MAP3K10: variants seen among roughly 807,000 people sequenced by gnomAD.
The protein encoded by MAP3K10 is mitogen-activated protein kinase kinase kinase 10.
In MAP3K10, 22 loss-of-function variants were observed where a neutral mutation model predicts 75.0. That is an observed-to-expected ratio of 0.29 (90% CI 0.21 to 0.42). The LOEUF (loss-of-function observed/expected upper bound fraction) is 0.42, where lower values mean the gene tolerates loss of function less well. Among genes scored for constraint, MAP3K10 ranks in the 10% least tolerant of loss-of-function variants. The pLI is 1.00. For missense variants in MAP3K10, 1,165 were observed against 1,379.8 expected (o/e 0.84, Z 2.47); for synonymous variants, 599 against 612.9 (o/e 0.98, Z 0.34).
Position 40,213,595 on chromosome 19 carries a change from C to G in MAP3K10, c.1916C>G (p.Pro639Arg). The G allele has an allele frequency of 6.3e-7, 1 of 1,599,064 alleles. No individual in the cohort carries two copies. Among genetic ancestry groups the G allele is most frequent in the Non-Finnish European group, 8.5e-7 (1 of 1,173,882 alleles). ...PYSTPSYLSV[P>R]LPAEPSPGAR... The stretch of plus-strand genomic sequence containing the variant: ...TCGACCCCGTCCTACCTCTCAGTGC[C>G]ACTGCCTGCCGAGCCCTCCCCGGGG... Residue 639 changes from proline to arginine, a missense_variant, in exon 9 of 10, where the codon CCA becomes CGA. Physicochemically the swap from Pro to Arg is moderately radical, Grantham distance 103 (BLOSUM62 -2). Around this residue, in one of 2 missense-constraint regions of MAP3K10, gnomAD observed 590 missense variants for 586.6 expected, o/e 1.01. Coordinates refer to ENST00000253055, the MANE Select transcript of MAP3K10 (RefSeq NM_002446.4). The surrounding 1 kb of genome is among the most constrained non-coding windows in gnomAD (Gnocchi z 5.7).
At chr19:40,200,076 C>G (rs1004912994) in intron 2 of MAP3K10, among the ~76,000 whole-genome samples, 1 of 152,136 alleles carries the variant, frequency 6.6e-6, no homozygotes, top group Non-Finnish European at 1.5e-5. Flanking sequence ...GGGTGGTTCA[C>G]TTGAGGCCAG....
rs941997237 is a variant in MAP3K10, at chr19:40,198,773, G to A, written c.863+218G>A. 8.5e-5 allele frequency among the ~76,000 whole-genome samples: 13 copies of A among 152,234 alleles called. No individual in the cohort carries two copies. Among genetic ancestry groups the A allele is most frequent in the Non-Finnish European group, 1.9e-4 (13 of 68,044 alleles). On this transcript the variant is annotated intron_variant, in intron 2 of 9. Transcript: ENST00000253055. This position sits in a 1 kb window ranked among gnomAD's most constrained non-coding sequence, Gnocchi z 4.3. Reference sequence around the variant, plus strand: ...CTGGATTAGAATAAAAAGCTCATAGGATCTAGAGACAAGGCCGGGCGCGGG... The same window carrying A: ...CTGGATTAGAATAAAAAGCTCATAGAATCTAGAGACAAGGCCGGGCGCGGG...
chr19:40,207,522 G>T (rs1341555668), intron 5 of MAP3K10, among the ~76,000 whole-genome samples: 1 of 152,134 alleles, frequency 6.6e-6, no homozygotes, highest in African/African-American at 2.4e-5. Context: ...GATCACCTGA[G>T]GTCAGGAGTT....
chr19:40,196,078 C>T (rs1410946170), intron 1 of MAP3K10, among the ~76,000 whole-genome samples: 1 of 151,950 alleles, frequency 6.6e-6, no homozygotes, highest in Non-Finnish European at 1.5e-5. Flanking sequence ...AAGGTAAATT[C>T]TGTTACGAGC....
Position 40,214,010 on chromosome 19 carries a change from A to ACCCCCCCCCCCCCCCCCCCCCCC in MAP3K10, c.2334_2335insCCCCCCCCCCCCCCCCCCCCCCC (p.Ser779ProfsTer51). The ACCCCCCCCCCCCCCCCCCCCCCC allele has an allele frequency of 1.4e-6, 1 of 726,374 alleles. No individual in the cohort carries two copies. Among genetic ancestry groups the ACCCCCCCCCCCCCCCCCCCCCCC allele is most frequent in the Non-Finnish European group, 1.9e-6 (1 of 538,530 alleles). The allele number at this position is 726,374 out of a possible 1,614,324, so 45.0% of individuals were successfully genotyped here. ...CCGCACCGGCCGCGCCCTCCCCACCACCCTCCCCGCCCGCGCCCACACCCA... is the reference window on the plus strand; with the variant it reads ...CCGCACCGGCCGCGCCCTCCCCACCACCCCCCCCCCCCCCCCCCCCCCCCCCTCCCCGCCCGCGCCCACACCCA... On this transcript the variant is annotated frameshift_variant, in exon 9 of 10. Coordinates refer to ENST00000253055, the MANE Select transcript of MAP3K10 (RefSeq NM_002446.4). LOFTEE classifies it high-confidence loss of function.
intron 2 of MAP3K10, among the ~76,000 whole-genome samples, chr19:40,199,492 T>C (rs1972977516): frequency 6.6e-6 from 1 of 152,062 alleles, no homozygotes; most frequent in Admixed American, 6.6e-5. Flanking sequence ...AAGGAACCAG[T>C]CACGAAAAGT....
chr19:40,192,068 G>C lies in MAP3K10; in HGVS notation c.37G>C (p.Gly13Arg). The change falls in exon 1 of 10, where the codon GGC becomes CGC. Residue 13 changes from glycine to arginine, a missense_variant. Around this residue, in one of 2 missense-constraint regions of MAP3K10, gnomAD observed 575 missense variants for 793.2 expected, o/e 0.72. Coordinates refer to ENST00000253055, the MANE Select transcript of MAP3K10 (RefSeq NM_002446.4). The surrounding 1 kb of genome is among the most constrained non-coding windows in gnomAD (Gnocchi z 7.1). The part of the protein sequence containing the change: ...EEEGAVAKEW[G>R]TTPAGPVWTA... ...GGAGGGGGCGGTGGCCAAGGAGTGG[G>C]GCACGACCCCCGCGGGGCCCGTCTG... 4 of 1,487,098 alleles carry C rather than the reference G, an allele frequency of 2.7e-6. No individual in the cohort carries two copies. The South Asian group carries it at 5.4e-5, about 20-fold the overall frequency. 92.1% of individuals were successfully genotyped at this position (1,487,098 alleles called of 1,614,324 possible). A position where few individuals can be genotyped will look rare whatever the true frequency, so the allele number is the denominator to read the frequency against.
Position 40,214,010 on chromosome 19 carries a change from A to ACCCCCCCCCCCCC in MAP3K10, c.2334_2335insCCCCCCCCCCCCC (p.Ser779ProfsTer77). ...CCGCACCGGCCGCGCCCTCCCCACC[A>ACCCCCCCCCCCCC]CCCTCCCCGCCCGCGCCCACACCCA... On this transcript the variant is annotated frameshift_variant, in exon 9 of 10. Transcript: ENST00000253055. LOFTEE classifies it high-confidence loss of function. The ACCCCCCCCCCCCC allele has an allele frequency of 2.8e-6, 2 of 726,372 alleles. No individual in the cohort carries two copies. Among genetic ancestry groups the ACCCCCCCCCCCCC allele is most frequent in the Non-Finnish European group, 3.7e-6 (2 of 538,530 alleles). 45.0% of individuals were successfully genotyped at this position (726,372 alleles called of 1,614,324 possible). A position where few individuals can be genotyped will look rare whatever the true frequency, so the allele number is the denominator to read the frequency against.
At position 40,204,795 on chromosome 19, in the gene MAP3K10, C is replaced by T; in HGVS notation, c.1012+162C>T. The T allele has an allele frequency of 1.2e-6, 1 of 847,792 alleles. No homozygotes were observed. The highest frequency in any genetic ancestry group is 2.9e-5 in the Admixed American group (1 of 34,362). The allele number at this position is 847,792 out of a possible 1,614,324, so 52.5% of individuals were successfully genotyped here. On this transcript the variant is annotated intron_variant, in intron 3 of 9. Transcript: ENST00000253055. The surrounding 1 kb of genome is among the most constrained non-coding windows in gnomAD (Gnocchi z 4.3). Reference sequence around the variant, plus strand: ...CTAAACAGCCTCCCCATGGTTGGCTCCATCCCCCACATCCCAGCCCTTGTT... The same window carrying T: ...CTAAACAGCCTCCCCATGGTTGGCTTCATCCCCCACATCCCAGCCCTTGTT...
At position 40,205,714 on chromosome 19, in the gene MAP3K10, C is replaced by G. The variant is rs1973107399; in HGVS notation, c.1189-197C>G. 1.8e-6 allele frequency: 1 copy of G among 551,624 alleles called. No individual in the cohort carries two copies. The highest frequency in any genetic ancestry group is 3.1e-6 in the Non-Finnish European group (1 of 322,176). The allele number at this position is 551,624 out of a possible 1,614,324, so 34.2% of individuals were successfully genotyped here. ...GAAAGAAAAAGAAAGAAAAAGCACCCCTTTCTTTGAGCTAACACAGTTCCC... is the reference window on the plus strand; with the variant it reads ...GAAAGAAAAAGAAAGAAAAAGCACCGCTTTCTTTGAGCTAACACAGTTCCC... On this transcript the variant is annotated intron_variant, in intron 4 of 9. Coordinates refer to ENST00000253055, the MANE Select transcript of MAP3K10 (RefSeq NM_002446.4). The surrounding 1 kb of genome is among the most constrained non-coding windows in gnomAD (Gnocchi z 4.3).
chr19:40,196,153 AGGAAGAAGCAGG>A (rs1214991466), intron 1 of MAP3K10, among the ~76,000 whole-genome samples: 2 of 152,200 alleles, frequency 1.3e-5, no homozygotes, highest in African/African-American at 4.8e-5. Flanking sequence ...TTATGCACCT[AGGAAGAAGCAGG>A]GCTGAGACTC....
chr19:40,205,009 T>C lies in MAP3K10; in HGVS notation c.1013-112T>C. The C allele has an allele frequency of 1.0e-6, 1 of 958,878 alleles. No homozygotes were observed. The highest frequency in any genetic ancestry group is 1.5e-5 in the South Asian group (1 of 68,482). 59.4% of individuals were successfully genotyped at this position (958,878 alleles called of 1,614,324 possible). ...CCCTTCCCCTCAGCTCCATAGCAGC[T>C]GTTTGTCTGCCATCCCCAGAAATTC... On this transcript the variant is annotated intron_variant, in intron 3 of 9. Coordinates refer to ENST00000253055, the MANE Select transcript of MAP3K10 (RefSeq NM_002446.4). This position sits in a 1 kb window ranked among gnomAD's most constrained non-coding sequence, Gnocchi z 4.3.
At chr19:40,203,246 C>A (rs143080990) in intron 2 of MAP3K10, among the ~76,000 whole-genome samples, 1 of 151,460 alleles carries the variant, frequency 6.6e-6, no homozygotes, top group East Asian at 1.9e-4. Flanking sequence ...GGCTGAGGCA[C>A]AAGAATCACT....
chr19:40,193,808 C>T (rs991809445), intron 1 of MAP3K10, among the ~76,000 whole-genome samples: 3 of 152,220 alleles, frequency 2.0e-5, no homozygotes, highest in Non-Finnish European at 4.4e-5. Context: ...GCAAAGGCAT[C>T]AGCAGTGGAG....
intron 6 of MAP3K10, 31 bp downstream of exon 6, chr19:40,209,250 G>A (rs752144675): frequency 6.4e-7 from 1 of 1,564,000 alleles, no homozygotes; most frequent in Non-Finnish European, 8.8e-7. Flanking sequence ...TGACCAGTCA[G>A]TCAGTCAGTG....
At chr19:40,196,359 T>C (rs1461123785) in intron 1 of MAP3K10, among the ~76,000 whole-genome samples, 1 of 151,996 alleles carries the variant, frequency 6.6e-6, no homozygotes, top group African/African-American at 2.4e-5. Flanking sequence ...TCAAGAAAAA[T>C]GGGTTGTGGC....
rs1392934055 is a variant in MAP3K10 at position 40,213,465 on chromosome 19, C to T, written c.1838-52C>T. ...GGGGCTGTCCCTTGGCACAAGTCCC[C>T]GTGGGGCCCTGGCCAGCCCTGCAGC... On this transcript the variant is annotated intron_variant, in intron 8 of 9. Transcript: ENST00000253055. This position sits in a 1 kb window ranked among gnomAD's most constrained non-coding sequence, Gnocchi z 5.7. 8.2e-6 allele frequency: 13 copies of T among 1,593,420 alleles called. No homozygotes were observed. Among genetic ancestry groups the T allele is most frequent in the Middle Eastern group, 1.7e-4 (1 of 6,006 alleles).
rs1437599677 is a variant in MAP3K10, at chr19:40,213,587, C to G, written c.1908C>G (p.Leu636=). 6.2e-7 allele frequency: 1 copy of G among 1,605,520 alleles called. No individual in the cohort carries two copies. The highest frequency in any genetic ancestry group is 8.5e-7 in the Non-Finnish European group (1 of 1,176,652). ...PPSPYSTPSY[L]SVPLPAEPSP... ...CCCCCTACTCGACCCCGTCCTACCT[C>G]TCAGTGCCACTGCCTGCCGAGCCCT... Residue 636 remains leucine (L), a synonymous_variant, in exon 9 of 10, where the codon CTC becomes CTG. Coordinates refer to ENST00000253055, the MANE Select transcript of MAP3K10 (RefSeq NM_002446.4). The surrounding 1 kb of genome is among the most constrained non-coding windows in gnomAD (Gnocchi z 5.7).
intron 1 of MAP3K10, among the ~76,000 whole-genome samples, chr19:40,196,863 T>C (rs995850336): frequency 6.6e-6 from 1 of 151,498 alleles, no homozygotes; most frequent in Non-Finnish European, 1.5e-5. Flanking sequence ...GGGGTGGGGG[T>C]CATTCATGAG....
Sources: gnomAD v4.1 joint callset for allele counts (sites outside exome capture counted in the v4.1 genomes callset) on GRCh38, gnomAD v4.1.1 for gene constraint, gnomAD v4.1.1 regional missense constraint, Gnocchi (gnomAD v3.1) non-coding constraint, MANE v1.5 for transcripts, NCBI Gene and HGNC (gene_info 2026-07-23, HGNC 2026-07-21) for gene names.